The following CRIM1 variants were observed in gnomAD, a reference collection of about 807,000 sequenced individuals.
CRIM1 encodes cysteine rich transmembrane BMP regulator 1, also known as cysteine-rich motor neuron 1 protein.
CRIM1 carries 32 observed loss-of-function variants against 116.4 expected under a neutral mutation model. The observed-to-expected ratio is 0.27, with a 90% confidence interval of 0.21 to 0.37. The LOEUF (loss-of-function observed/expected upper bound fraction) is 0.37. Ranked by LOEUF, CRIM1 falls within the 10% of genes least tolerant of loss-of-function variation. The probability of loss-of-function intolerance (pLI) is 1.00; values close to 1 mark genes in which losing one functional copy is unlikely to be tolerated. For missense variants in CRIM1, 1,331 were observed against 1,354.8 expected (o/e 0.98, Z 0.28); for synonymous variants, 590 against 509.2 (o/e 1.16, Z -2.13).
chr2:36,385,002 G>A (rs1477000701), intron 1 of CRIM1, among the ~76,000 whole-genome samples: 5 of 151,854 alleles, frequency 3.3e-5, no homozygotes, highest in African/African-American at 1.2e-4. Context: ...AATATTGGTG[G>A]CAAATTTTGT....
intron 4 of CRIM1, among the ~76,000 whole-genome samples, chr2:36,463,782 C>T (rs1036492562): frequency 6.6e-6 from 1 of 152,212 alleles, no homozygotes; most frequent in Admixed American, 6.5e-5. Flanking sequence ...GCACAGCCAG[C>T]TTGCAGCTCA....
At chr2:36,541,397 A>G (rs956241220) in intron 14 of CRIM1, among the ~76,000 whole-genome samples, 3 of 152,184 alleles carry the variant, frequency 2.0e-5, no homozygotes, top group African/African-American at 4.8e-5. Flanking sequence ...TACAGAACCT[A>G]TGAGCTGTTA....
chr2:36,453,128 T>C (rs1676865141), intron 4 of CRIM1, among the ~76,000 whole-genome samples: 1 of 152,226 alleles, frequency 6.6e-6, no homozygotes, highest in East Asian at 1.9e-4. Flanking sequence ...CACCTTTACA[T>C]TGGATATGGC....
At chr2:36,506,759 G>A (rs556588600) in intron 8 of CRIM1, among the ~76,000 whole-genome samples, 7 of 152,184 alleles carry the variant, frequency 4.6e-5, no homozygotes, top group African/African-American at 1.4e-4. Context: ...CTTTTTCTGC[G>A]TGGTTGCCTC....
intron 2 of CRIM1, among the ~76,000 whole-genome samples, chr2:36,419,252 C>CT (rs1429854830): frequency 1.3e-5 from 2 of 152,160 alleles, no homozygotes; most frequent in Non-Finnish European, 2.9e-5. Flanking sequence ...AGGACTTACT[C>CT]TCTGCAACAT....
chr2:36,475,161 G>A (rs1261012094), intron 5 of CRIM1, among the ~76,000 whole-genome samples: 1 of 152,210 alleles, frequency 6.6e-6, no homozygotes, highest in Non-Finnish European at 1.5e-5. Context: ...GATAGAGATT[G>A]CATTGAACAT....
Position 36,548,919 on chromosome 2 carries a change from C to CAA in CRIM1, c.*220_*221dup. 1 of 332,670 alleles carries CAA rather than the reference C, an allele frequency of 3.0e-6. No homozygotes were observed. Among genetic ancestry groups the CAA allele is most frequent in the Non-Finnish European group, 5.4e-6 (1 of 184,028 alleles). The allele number at this position is 332,670 out of a possible 1,614,324, so 20.6% of individuals were successfully genotyped here. A position where few individuals can be genotyped will look rare whatever the true frequency, so the allele number is the denominator to read the frequency against. ...AACTGACCAAGTGTTTTCTTAGAAC[C>CAA]AAAGTTTTTAAAGTTGCTAAGATAT... On this transcript the variant is annotated 3_prime_UTR_variant, in exon 17 of 17. Coordinates refer to ENST00000280527, the MANE Select transcript of CRIM1 (RefSeq NM_016441.3).
chr2:36,442,847 C>G (rs1675964959), intron 4 of CRIM1, 112 bp downstream of exon 4: 1 of 1,255,896 alleles, frequency 8.0e-7, no homozygotes, highest in South Asian at 1.3e-5. Context: ...TTTCCTGTTT[C>G]TCTGGAAGAA....
intron 13 of CRIM1, chr2:36,529,138 C>G (rs1665951444): frequency 4.2e-6 from 2 of 471,222 alleles, no homozygotes; most frequent in African/African-American, 2.0e-5. Context: ...CTGCCTTTCT[C>G]TTATTTTGGT....
At chr2:36,405,243 T>C (rs1221759095) in intron 2 of CRIM1, among the ~76,000 whole-genome samples, 2 of 152,192 alleles carry the variant, frequency 1.3e-5, no homozygotes, top group African/African-American at 4.8e-5. Flanking sequence ...CTGGTGGAGC[T>C]GGGAGTATTA....
At chr2:36,438,561 A>G (rs541282778) in intron 2 of CRIM1, among the ~76,000 whole-genome samples, 8 of 152,292 alleles carry the variant, frequency 5.3e-5, no homozygotes, top group African/African-American at 1.9e-4. Context: ...GGGGGGTTAT[A>G]CTATGAAAGT....
intron 7 of CRIM1, among the ~76,000 whole-genome samples, chr2:36,495,475 A>ATTTTTT (rs1024205619): frequency 3.9e-5 from 5 of 129,690 alleles, no homozygotes; most frequent in Admixed American, 8.1e-5. Flanking sequence ...TTATTTATTT[A>ATTTTTT]TTTTTTTTTT....
At chr2:36,362,197 G>A (rs532261016) in intron 1 of CRIM1, among the ~76,000 whole-genome samples, 1 of 148,822 alleles carries the variant, frequency 6.7e-6, no homozygotes, top group Admixed American at 6.6e-5. Context: ...AAGCCAAGTA[G>A]AAGTGATTTT....
chr2:36,388,983 T>A (rs906901383), intron 1 of CRIM1, among the ~76,000 whole-genome samples: 5 of 152,230 alleles, frequency 3.3e-5, no homozygotes, highest in South Asian at 2.1e-4. Flanking sequence ...CATTTAGACA[T>A]TTACATCAGT....
intron 15 of CRIM1, among the ~76,000 whole-genome samples, chr2:36,545,753 C>G (rs1667279705): frequency 6.6e-6 from 1 of 152,078 alleles, no homozygotes; most frequent in Non-Finnish European, 1.5e-5. Flanking sequence ...CAAGACCTTC[C>G]TTAATTTATA....
At position 36,544,434 on chromosome 2, in the gene CRIM1, G is replaced by T; in HGVS notation, c.2682G>T (p.Glu894Asp). ...TTGAGAAGACAAACCATCGAGGAGA[G>T]GTTGACCTGGAGGTTCCCCTGTGGC... ...IPIEKTNHRG[E>D]VDLEVPLWPT... The change falls in exon 15 of 17, where the codon GAG (glutamate) becomes GAT (aspartate). Residue 894 changes from glutamate (E) to aspartate (D), a missense_variant. Glu to Asp is a conservative substitution (Grantham distance 45). Around this residue, in one of 3 missense-constraint regions of CRIM1, gnomAD observed 283 missense variants for 242.8 expected, o/e 1.17. Transcript: ENST00000280527. 1 of 1,429,082 alleles carries T rather than the reference G, an allele frequency of 7.0e-7. No individual in the cohort carries two copies. Among genetic ancestry groups the T allele is most frequent in the Non-Finnish European group, 9.2e-7 (1 of 1,085,338 alleles). The allele number at this position is 1,429,082 out of a possible 1,614,324, so 88.5% of individuals were successfully genotyped here.
At chr2:36,457,757 A>T (rs909367521) in intron 4 of CRIM1, among the ~76,000 whole-genome samples, 11 of 144,198 alleles carry the variant, frequency 7.6e-5, no homozygotes, top group Admixed American at 5.5e-4. Context: ...TGCAGCCTTT[A>T]AAAAAAAAAA....
rs141639703 is a variant in CRIM1, at chr2:36,482,117, A to T, written c.1372+2423A>T. Among the ~76,000 whole-genome samples the T allele has an allele frequency of 4.2e-3, 646 of 152,278 alleles. 2 individuals are homozygous for T. Among genetic ancestry groups the T allele is most frequent in the Non-Finnish European group, 7.4e-3 (505 of 68,020 alleles). ...TCAGCATCCTTGTCATTTCAGCGGT[A>T]AAGTTCTGCTGGCCTTTTTTCCTCT... On this transcript the variant is annotated intron_variant, in intron 7 of 16. Coordinates refer to ENST00000280527, the MANE Select transcript of CRIM1 (RefSeq NM_016441.3).
chr2:36,448,950 A>C (rs1386426300), intron 4 of CRIM1, among the ~76,000 whole-genome samples: 1 of 151,860 alleles, frequency 6.6e-6, no homozygotes, highest in Non-Finnish European at 1.5e-5. Context: ...TATCTGGAAC[A>C]TGTGTATCTC....
Sources: gnomAD v4.1 joint callset for allele counts (sites outside exome capture counted in the v4.1 genomes callset) on GRCh38, gnomAD v4.1.1 for gene constraint, gnomAD v4.1.1 regional missense constraint, MANE v1.5 for transcripts, NCBI Gene and HGNC (gene_info 2026-07-23, HGNC 2026-07-21) for gene names.